The following PLXDC1 variants were observed in gnomAD, a reference collection of about 807,000 sequenced individuals.
PLXDC1 encodes plexin domain containing 1.
In PLXDC1, 39 loss-of-function variants were observed where a neutral mutation model predicts 61.3. The observed-to-expected ratio is 0.64, with a 90% CI of 0.49 to 0.83. The LOEUF (loss-of-function observed/expected upper bound fraction) is 0.83, where lower values mean the gene tolerates loss of function less well. Ranked by LOEUF, PLXDC1 falls within the 40% of genes least tolerant of loss-of-function variation. PLXDC1 has a pLI of 0.00. For synonymous variants in PLXDC1, 212 were observed against 254.5 expected (o/e 0.83, Z 1.59); for missense variants, 596 against 666.5 (o/e 0.89, Z 1.17).
intron 7 of PLXDC1, among the ~76,000 whole-genome samples, chr17:39,104,932 C>T (rs1310803561): frequency 6.6e-6 from 1 of 152,200 alleles, no homozygotes; most frequent in Non-Finnish European, 1.5e-5. Context: ...CAGAAATAGG[C>T]AATGATGCCT....
chr17:39,131,262 G>C (rs533998455), intron 2 of PLXDC1, among the ~76,000 whole-genome samples: 19 of 152,214 alleles, frequency 1.2e-4, no homozygotes, highest in Admixed American at 1.1e-3. Flanking sequence ...CAGGACTGCC[G>C]GGCTCCTCCA....
intron 1 of PLXDC1, among the ~76,000 whole-genome samples, chr17:39,146,328 C>T (rs1163170038): frequency 6.6e-6 from 1 of 152,044 alleles, no homozygotes; most frequent in Admixed American, 6.5e-5. Flanking sequence ...GCCTTGGCCT[C>T]CCAAAGTGCT....
chr17:39,123,480 G>A (rs528411670), intron 2 of PLXDC1, among the ~76,000 whole-genome samples: 4 of 151,942 alleles, frequency 2.6e-5, no homozygotes, highest in South Asian at 2.1e-4. Flanking sequence ...ATGAGCCACC[G>A]CGCCTGGCCT....
intron 2 of PLXDC1, among the ~76,000 whole-genome samples, chr17:39,120,244 C>T (rs2143776165): frequency 6.6e-6 from 1 of 152,236 alleles, no homozygotes; most frequent in Non-Finnish European, 1.5e-5. Flanking sequence ...CTCTGCCTCC[C>T]AGGTTCAAGC....
chr17:39,065,759 A>T lies in PLXDC1; in HGVS notation c.*2081T>A, dbSNP rs1458616894. 2 of 152,424 alleles carry T rather than the reference A, an allele frequency of 1.3e-5. No individual in the cohort carries two copies. The highest frequency in any genetic ancestry group is 2.9e-5 in the Non-Finnish European group (2 of 68,220). The allele number at this position is 152,424 out of a possible 1,614,324, so 9.4% of individuals were successfully genotyped here. A position where few individuals can be genotyped will look rare whatever the true frequency, so the allele number is the denominator to read the frequency against. On this transcript the variant is annotated 3_prime_UTR_variant, in exon 14 of 14. Coordinates refer to ENST00000315392, the MANE Select transcript of PLXDC1 (RefSeq NM_020405.5). ...AGCTATGGAGTATGACCAGATGGAG[A>T]CATGGGTCTTGTGGCCGGCCCTGCG...
At chr17:39,079,592 A>T (rs1431991761) in intron 9 of PLXDC1, 1 of 456,318 alleles carries the variant, frequency 2.2e-6, no homozygotes, top group Non-Finnish European at 4.4e-6. Flanking sequence ...ACACCTCCCC[A>T]TGTGATCATT....
Position 39,108,238 on chromosome 17 carries a change from G to C in PLXDC1, c.477C>G (p.Ile159Met). 6.2e-7 allele frequency: 1 copy of C among 1,614,020 alleles called. No homozygotes were observed. The highest frequency in any genetic ancestry group is 8.5e-7 in the Non-Finnish European group (1 of 1,180,020). ...RQITIATGGF[I>M]FMGDVIHRML... The stretch of plus-strand genomic sequence containing the variant: ...TCCGATGGATCACGTCCCCCATGAA[G>C]ATGAAGCCTAGGGTGGGAGAGGTGC... Residue 159 changes from isoleucine to methionine, a missense_variant, in exon 5 of 14, where the codon ATC (isoleucine) becomes ATG (methionine). Transcript: ENST00000315392.
Position 39,151,283 on chromosome 17 carries a change from C to T in PLXDC1, c.76+79G>A. On this transcript the variant is annotated intron_variant, in intron 1 of 13. Transcript: ENST00000315392. The surrounding 1 kb of genome is among the most constrained non-coding windows in gnomAD (Gnocchi z 5.2). ...CCCTCGCGGACATCGCCAGGCCGTCCACACCTGCCCATGCCCACACCTGAC... is the reference window on the plus strand; with the variant it reads ...CCCTCGCGGACATCGCCAGGCCGTCTACACCTGCCCATGCCCACACCTGAC... 9.1e-7 allele frequency: 1 copy of T among 1,096,338 alleles called. No individual in the cohort carries two copies. The highest frequency in any genetic ancestry group is 1.2e-6 in the Non-Finnish European group (1 of 859,246). The allele number at this position is 1,096,338 out of a possible 1,614,324, so 67.9% of individuals were successfully genotyped here. A position where few individuals can be genotyped will look rare whatever the true frequency, so the allele number is the denominator to read the frequency against.
At chr17:39,085,599 C>T (rs1213861168) in intron 8 of PLXDC1, among the ~76,000 whole-genome samples, 1 of 152,104 alleles carries the variant, frequency 6.6e-6, no homozygotes, top group East Asian at 1.9e-4. Context: ...TGGGTTTCCC[C>T]TGCCCCTTCC....
At chr17:39,075,116 C>T (rs560481742) in intron 11 of PLXDC1, among the ~76,000 whole-genome samples, 4 of 152,302 alleles carry the variant, frequency 2.6e-5, no homozygotes, top group South Asian at 2.1e-4. Context: ...TGCGCCACCA[C>T]GCCCAGCTAA....
chr17:39,068,028 C>A, intron 13 of PLXDC1, 69 bp from the exon 14 acceptor site: 1 of 1,521,606 alleles, frequency 6.6e-7, no homozygotes, highest in Non-Finnish European at 9.0e-7. Context: ...CACTCCTGAG[C>A]GACAGAGCCA....
chr17:39,151,813 A>G (rs2045375627), upstream of PLXDC1, among the ~76,000 whole-genome samples: 1 of 152,096 alleles, frequency 6.6e-6, no homozygotes, highest in Non-Finnish European at 1.5e-5. The surrounding 1 kb of genome is among the most constrained non-coding windows in gnomAD (Gnocchi z 5.2). Context: ...AGAGTAGGGG[A>G]CAGGGCGGGA....
At chr17:39,103,935 C>T (rs9905211) in intron 7 of PLXDC1, among the ~76,000 whole-genome samples, 5,555 of 151,920 alleles carry the variant, frequency 0.037, 167 homozygotes, top group African/African-American at 0.074. Flanking sequence ...GGAAACTCTG[C>T]GCCACTATAG....
At chr17:39,108,053 G>A in intron 5 of PLXDC1, 70 bp downstream of exon 5, 3 of 1,594,282 alleles carry the variant, frequency 1.9e-6, no homozygotes, top group South Asian at 1.1e-5. Flanking sequence ...TCTAGGCCCT[G>A]TGCTCCTCTA....
chr17:39,108,149 T>C lies in PLXDC1; in HGVS notation c.566A>G (p.Asn189Ser). ...MANFNPGYSD[N>S]STVVYFDNGT... ...ATTGTCAAAGTAAACAACTGTGGAG[T>C]TGTCGGAGTAGCCAGGGTTGAAGTT... Residue 189 changes from asparagine to serine, a missense_variant, in exon 5 of 14, where the codon AAC becomes AGC. Asn to Ser is a conservative substitution (Grantham distance 46). Transcript: ENST00000315392. 6.2e-7 allele frequency: 1 copy of C among 1,613,996 alleles called. No homozygotes were observed. Among genetic ancestry groups the C allele is most frequent in the Non-Finnish European group, 8.5e-7 (1 of 1,179,984 alleles).
At chr17:39,143,693 T>C (rs1208081575) in intron 1 of PLXDC1, among the ~76,000 whole-genome samples, 2 of 152,232 alleles carry the variant, frequency 1.3e-5, no homozygotes, top group Admixed American at 1.3e-4. Context: ...TGCTGGCGCC[T>C]ACTGGACCCT....
chr17:39,097,841 G>T lies in PLXDC1; in HGVS notation c.811+8013C>A, dbSNP rs575632462. 4.0e-5 allele frequency among the ~76,000 whole-genome samples: 6 copies of T among 149,918 alleles called. 1 individual carries two copies. In the East Asian group the frequency reaches 1.2e-3, roughly 29 times the overall value. On this transcript the variant is annotated intron_variant, in intron 7 of 13. Transcript: ENST00000315392. The stretch of plus-strand genomic sequence containing the variant: ...CGCTTAAGCCCAGAAAGTTGAGGTT[G>T]CAGTGAGCTATGATTGTGCTACTGC...
At chr17:39,088,295 C>G (rs761462625) in intron 7 of PLXDC1, among the ~76,000 whole-genome samples, 1 of 152,342 alleles carries the variant, frequency 6.6e-6, no homozygotes, top group African/African-American at 2.4e-5. Context: ...CACCTCACCC[C>G]TCCTGGACAA....
chr17:39,125,105 G>A (rs777151447), intron 2 of PLXDC1, among the ~76,000 whole-genome samples: 28 of 152,084 alleles, frequency 1.8e-4, no homozygotes, highest in Non-Finnish European at 2.5e-4. Context: ...GGCCTGAAGC[G>A]CAATTCCTTT....
Sources: gnomAD v4.1 joint callset for allele counts (sites outside exome capture counted in the v4.1 genomes callset) on GRCh38, gnomAD v4.1.1 for gene constraint, Gnocchi (gnomAD v3.1) non-coding constraint, MANE v1.5 for transcripts, NCBI Gene and HGNC (gene_info 2026-07-23, HGNC 2026-07-21) for gene names.